Variants in ARMC10 observed in about 807,000 individuals in gnomAD.
The protein encoded by ARMC10 is armadillo repeat containing 10, also known as armadillo repeat-containing protein 10.
A neutral mutation model predicts 30.2 loss-of-function variants in ARMC10; 23 were observed. The observed-to-expected ratio is 0.76, with a 90% confidence interval of 0.55 to 1.08. The LOEUF is 1.08. Ranked by LOEUF, ARMC10 falls within the 50% of genes least tolerant of loss-of-function variation. The pLI is 0.00. For synonymous variants in ARMC10, 111 were observed against 164.4 expected, an observed-to-expected ratio of 0.68 and a Z score of 2.48; for missense variants, 303 against 413.7, an observed-to-expected ratio of 0.73 and a Z score of 2.32.
At chr7:103,079,099 C>T (rs745755777) in intron 2 of ARMC10, among the ~76,000 whole-genome samples, 3 of 152,276 alleles carry the variant, frequency 2.0e-5, no homozygotes, top group Non-Finnish European at 4.4e-5. Flanking sequence ...AACAATCTAA[C>T]GTCATAACCT....
chr7:103,091,443 A>G (rs1440916265), intron 4 of ARMC10, among the ~76,000 whole-genome samples: 1 of 152,048 alleles, frequency 6.6e-6, no homozygotes, highest in Non-Finnish European at 1.5e-5. Flanking sequence ...ACAGCATTGC[A>G]TTACTTTTTA....
chr7:103,094,577 G>T (rs541126639), intron 5 of ARMC10, among the ~76,000 whole-genome samples: 1 of 152,250 alleles, frequency 6.6e-6, no homozygotes, highest in South Asian at 2.1e-4. Flanking sequence ...GGCTTATTTC[G>T]TAAGTTCAGG....
intron 1 of ARMC10, 58 bp downstream of exon 1, chr7:103,075,469 C>A: frequency 7.9e-7 from 1 of 1,267,122 alleles, no homozygotes; most frequent in Non-Finnish European, 9.9e-7. Context: ...GCTCCCCAGG[C>A]CGGGGTGGTG....
At chr7:103,075,652 TAAA>T in intron 1 of ARMC10, 122 bp from the exon 2 acceptor site, 1 of 913,396 alleles carries the variant, frequency 1.1e-6, no homozygotes, top group East Asian at 2.9e-5. Context: ...TTAGATTTCT[TAAA>T]AACCTGTTGA....
At chr7:103,095,260 A>G (rs894955964) in intron 5 of ARMC10, among the ~76,000 whole-genome samples, 1 of 152,080 alleles carries the variant, frequency 6.6e-6, no homozygotes, top group African/African-American at 2.4e-5. Context: ...CGCCTGGCTG[A>G]TTTTTGTATT....
intron 6 of ARMC10, 150 bp downstream of exon 6, chr7:103,097,498 G>A (rs2098447): frequency 0.99 from 483,589 of 490,388 alleles, 238,747 homozygotes; most frequent in East Asian, 1. Context: ...TTTTGTATGT[G>A]TAAATTTCCT....
chr7:103,080,113 C>T (rs1800244782), intron 2 of ARMC10, among the ~76,000 whole-genome samples: 1 of 152,176 alleles, frequency 6.6e-6, no homozygotes. Flanking sequence ...GAAAGTAGAA[C>T]ACATGTTTGA....
At chr7:103,098,243 GAA>G (rs1801946069) in intron 6 of ARMC10, 54 bp from the exon 7 acceptor site, 1 of 1,240,454 alleles carries the variant, frequency 8.1e-7, no homozygotes, top group Non-Finnish European at 1.0e-6. Context: ...AAATATACAT[GAA>G]AAAGTTTTCA....
intron 2 of ARMC10, among the ~76,000 whole-genome samples, chr7:103,076,613 G>A (rs1799865707): frequency 6.6e-6 from 1 of 152,230 alleles, no homozygotes; most frequent in African/African-American, 2.4e-5. Context: ...AAGGCAGGCG[G>A]ATCATGTGGT....
At chr7:103,090,767 A>G (rs1231500705) in intron 4 of ARMC10, among the ~76,000 whole-genome samples, 1 of 150,098 alleles carries the variant, frequency 6.7e-6, no homozygotes, top group African/African-American at 2.5e-5. Context: ...GCATAGTGGC[A>G]TGCATCTGTA....
At chr7:103,084,786 C>T (rs960948010) in intron 3 of ARMC10, among the ~76,000 whole-genome samples, 2 of 152,192 alleles carry the variant, frequency 1.3e-5, no homozygotes, top group Non-Finnish European at 2.9e-5. Flanking sequence ...AAGAAAGCCA[C>T]TAGCCTCTCT....
intron 2 of ARMC10, 80 bp downstream of exon 2, chr7:103,075,961 C>A: frequency 2.7e-6 from 3 of 1,094,654 alleles, no homozygotes; most frequent in Non-Finnish European, 3.8e-6. Context: ...CGGTTTCTGT[C>A]CAAAAGTTGA....
At chr7:103,086,225 T>C (rs1186381093) in intron 3 of ARMC10, among the ~76,000 whole-genome samples, 1 of 152,188 alleles carries the variant, frequency 6.6e-6, no homozygotes, top group Non-Finnish European at 1.5e-5. Flanking sequence ...AACACTACTT[T>C]AGTATTCTAA....
In ARMC10 at chr7:103,075,833, C is replaced by T. The variant is rs1279368911; in HGVS notation, c.196C>T (p.Gln66Ter). The T allele has an allele frequency of 6.2e-7, 1 of 1,611,594 alleles. No homozygotes were observed. ...GTTGTGCGGGCGCTCGGCCCGGCCT[C>T]AGACGGGAGGTACCTGGGAGTCACA... ...GQLCGRSARP[Q>*]TGGTWESQWS... The change falls in exon 2 of 7, where the codon CAG becomes TAG. Residue 66 changes from glutamine (Q) to a stop codon, truncating the protein, a stop_gained. Transcript: ENST00000323716. LOFTEE classifies it high-confidence loss of function.
chr7:103,079,618 G>C (rs1483326046), intron 2 of ARMC10, among the ~76,000 whole-genome samples: 1 of 152,182 alleles, frequency 6.6e-6, no homozygotes, highest in East Asian at 1.9e-4. Context: ...GTGGCATAAT[G>C]ATTTACTTGG....
At position 103,098,281 on chromosome 7, in the gene ARMC10, CAT is replaced by C. The variant is rs955551636; in HGVS notation, c.778-17_778-16del. On this transcript the variant is annotated splice_polypyrimidine_tract_variant and intron_variant, in intron 6 of 6. Transcript: ENST00000323716. ...TATATTATTAATATAAAATAATACT[CAT>C]TGTTTCATATTTCAGGTGGATTCAT... 8 of 1,428,560 alleles carry C rather than the reference CAT, an allele frequency of 5.6e-6. No individual in the cohort carries two copies. The African/African-American group carries it at 1.0e-4, about 18-fold the overall frequency. 88.5% of individuals were successfully genotyped at this position (1,428,560 alleles called of 1,614,324 possible).
At position 103,099,194 on chromosome 7, in the gene ARMC10, G is replaced by GGC. The variant is rs1463331454; in HGVS notation, c.*645_*646dup. 2 of 148,162 alleles carry GGC rather than the reference G, an allele frequency of 1.3e-5. No individual in the cohort carries two copies. Among genetic ancestry groups the GGC allele is most frequent in the African/African-American group, 4.9e-5 (2 of 40,570 alleles). The allele number at this position is 148,162 out of a possible 1,614,324, so 9.2% of individuals were successfully genotyped here. A position where few individuals can be genotyped will look rare whatever the true frequency, so the allele number is the denominator to read the frequency against. On this transcript the variant is annotated 3_prime_UTR_variant, in exon 7 of 7. Coordinates refer to ENST00000323716, the MANE Select transcript of ARMC10 (RefSeq NM_031905.5). The stretch of plus-strand genomic sequence containing the variant: ...TCTGGTCTTTGAAAAGACCGTGCTG[G>GGC]GCGCGGTGGCTCTTGCCTGTAATCC...
intron 5 of ARMC10, among the ~76,000 whole-genome samples, chr7:103,094,005 A>G (rs1367189118): frequency 6.6e-6 from 1 of 152,244 alleles, no homozygotes; most frequent in Non-Finnish European, 1.5e-5. Context: ...ATACCTACCA[A>G]TTACAACATT....
chr7:103,085,907 G>A (rs137907512), intron 3 of ARMC10, among the ~76,000 whole-genome samples: 6 of 152,156 alleles, frequency 3.9e-5, no homozygotes, highest in Non-Finnish European at 7.4e-5. Flanking sequence ...GAGCCACTGC[G>A]CCTGGCCCTG....
Sources: allele counts gnomAD v4.1 joint callset (sites outside exome capture counted in the v4.1 genomes callset), GRCh38; gene constraint gnomAD v4.1.1; transcripts MANE v1.5; gene names NCBI Gene and HGNC (gene_info 2026-07-23, HGNC 2026-07-21).